The following WAPL variants were observed in gnomAD, a reference collection of about 807,000 sequenced individuals.
WAPL encodes the protein wings apart-like protein homolog.
A neutral mutation model predicts 121.0 loss-of-function variants in WAPL; 5 were observed. The observed-to-expected ratio is 0.04, with a 90% CI of 0.02 to 0.09. The LOEUF is 0.09. Ranked by LOEUF, WAPL falls within the 10% of genes least tolerant of loss-of-function variation. The pLI is 1.00. For synonymous variants in WAPL, 480 were observed against 481.5 expected, an observed-to-expected ratio of 1.00 and a Z score of 0.04; for missense variants, 999 against 1,410.8, an observed-to-expected ratio of 0.71 and a Z score of 4.68.
At chr10:86,510,615 T>C (rs973310025) in intron 2 of WAPL, among the ~76,000 whole-genome samples, 2 of 152,196 alleles carry the variant, frequency 1.3e-5, no homozygotes, top group Non-Finnish European at 2.9e-5. Context: ...TATACAAACC[T>C]TGAGAATAAT....
rs113962404 is a variant in WAPL, at chr10:86,485,157, CT to C, written c.1645-11185del. Among the ~76,000 whole-genome samples, 701 of 151,332 alleles carry C rather than the reference CT, an allele frequency of 4.6e-3. 6 individuals are homozygous for C. The highest frequency in any genetic ancestry group is 0.016 in the African/African-American group (667 of 41,166). On this transcript the variant is annotated intron_variant, in intron 4 of 18. Coordinates refer to ENST00000298767, the MANE Select transcript of WAPL (RefSeq NM_015045.5). ...AGTGCTTTCCAGCTCCTGATAACCC[CT>C]GGCCACATTTTCTCACTTCAAGCCT...
chr10:86,494,696 T>G (rs1485021067), intron 4 of WAPL, among the ~76,000 whole-genome samples: 1 of 152,184 alleles, frequency 6.6e-6, no homozygotes, highest in Non-Finnish European at 1.5e-5. Flanking sequence ...GACCAGTGTA[T>G]GATGTTACAA....
At chr10:86,461,615 T>A (rs901473163) in intron 9 of WAPL, among the ~76,000 whole-genome samples, 1 of 152,204 alleles carries the variant, frequency 6.6e-6, no homozygotes, top group African/African-American at 2.4e-5. Flanking sequence ...AAATCAATAT[T>A]GGATTAATTT....
intron 12 of WAPL, among the ~76,000 whole-genome samples, chr10:86,457,866 C>T (rs959499900): frequency 2.6e-5 from 4 of 152,028 alleles, no homozygotes; most frequent in Non-Finnish European, 4.4e-5. Flanking sequence ...TTAAAAGAGT[C>T]CTTTTCTTCT....
intron 8 of WAPL, among the ~76,000 whole-genome samples, chr10:86,467,886 G>A (rs770732366): frequency 6.6e-6 from 1 of 151,576 alleles, no homozygotes; most frequent in Non-Finnish European, 1.5e-5. Context: ...CACGGTGTTA[G>A]CCAGGATGGT....
intron 7 of WAPL, among the ~76,000 whole-genome samples, chr10:86,471,511 C>T (rs1197705895): frequency 6.6e-6 from 1 of 152,116 alleles, no homozygotes; most frequent in Non-Finnish European, 1.5e-5. Context: ...TACAAAAGAT[C>T]ATCTTTTTGA....
At position 86,436,014 on chromosome 10, in the gene WAPL, G is replaced by A. The variant is rs1011868781; in HGVS notation, c.*1529C>T. On this transcript the variant is annotated 3_prime_UTR_variant, in exon 19 of 19. Transcript: ENST00000298767. Reference sequence around the variant, plus strand: ...GCGTACTATGTTCTTAAAAGGTGATGGGTAGGGGTTGGGGTGGGTAGAAGG... The same window carrying A: ...GCGTACTATGTTCTTAAAAGGTGATAGGTAGGGGTTGGGGTGGGTAGAAGG... 2.0e-5 allele frequency: 3 copies of A among 152,512 alleles called. No homozygotes were observed. Among genetic ancestry groups the A allele is most frequent in the African/African-American group, 7.2e-5 (3 of 41,426 alleles). 9.4% of individuals were successfully genotyped at this position (152,512 alleles called of 1,614,324 possible).
At chr10:86,497,143 G>T in intron 4 of WAPL, 58 bp downstream of exon 4, 1 of 1,337,442 alleles carries the variant, frequency 7.5e-7, no homozygotes. Flanking sequence ...AAAAAATTAA[G>T]AGTTGAGCCC....
intron 2 of WAPL, among the ~76,000 whole-genome samples, chr10:86,509,222 T>C (rs1371899814): frequency 1.3e-5 from 2 of 152,204 alleles, no homozygotes. Flanking sequence ...GAAACATATC[T>C]TACAAACATC....
chr10:86,494,761 T>C (rs1185161553), intron 4 of WAPL, among the ~76,000 whole-genome samples: 2 of 152,220 alleles, frequency 1.3e-5, no homozygotes, highest in African/African-American at 2.4e-5. Flanking sequence ...CAGATTTTAA[T>C]GCAATGTATG....
chr10:86,451,555 G>A (rs1840980702), intron 15 of WAPL, among the ~76,000 whole-genome samples: 1 of 151,980 alleles, frequency 6.6e-6, no homozygotes, highest in South Asian at 2.1e-4. Flanking sequence ...ACCATGCCTG[G>A]CTAACTTTTG....
Position 86,454,358 on chromosome 10 carries a change from C to T in WAPL, c.2658-527G>A, listed in dbSNP as rs546443615. Among the ~76,000 whole-genome samples, 16 of 152,252 alleles carry T rather than the reference C, an allele frequency of 1.1e-4. No individual in the cohort carries two copies. The East Asian group carries it at 2.3e-3, about 22-fold the overall frequency. On this transcript the variant is annotated intron_variant, in intron 12 of 18. Transcript: ENST00000298767. ...GGGATGAGCTACATCTAAGGATTCTCGCTCTCCCTCTCCCTCTCCCTCCAC... is the reference window on the plus strand; with the variant it reads ...GGGATGAGCTACATCTAAGGATTCTTGCTCTCCCTCTCCCTCTCCCTCCAC...
At chr10:86,442,486 G>A (rs1398670429) in intron 17 of WAPL, among the ~76,000 whole-genome samples, 2 of 152,076 alleles carry the variant, frequency 1.3e-5, no homozygotes, top group African/African-American at 4.8e-5. Flanking sequence ...GCACTGACTA[G>A]CTTGTTTTCC....
intron 16 of WAPL, among the ~76,000 whole-genome samples, chr10:86,444,684 G>T (rs1344823935): frequency 2.0e-5 from 3 of 152,028 alleles, no homozygotes; most frequent in African/African-American, 4.8e-5. Context: ...GAAAATAGGG[G>T]TGATGGCTGC....
At chr10:86,520,483 T>C (rs1842654162) in intron 1 of WAPL, among the ~76,000 whole-genome samples, 1 of 152,160 alleles carries the variant, frequency 6.6e-6, no homozygotes, top group African/African-American at 2.4e-5. Flanking sequence ...AGAAGTTCAT[T>C]ATATAATATC....
At position 86,472,046 on chromosome 10, in the gene WAPL, A is replaced by C. The variant is rs1270936171; in HGVS notation, c.2030+162T>G. 6.6e-6 allele frequency among the ~76,000 whole-genome samples: 1 copy of C among 152,168 alleles called. No individual in the cohort carries two copies. The highest frequency in any genetic ancestry group is 2.4e-5 in the African/African-American group (1 of 41,440). On this transcript the variant is annotated intron_variant, in intron 7 of 18. Coordinates refer to ENST00000298767, the MANE Select transcript of WAPL (RefSeq NM_015045.5). This position sits in a 1 kb window ranked among gnomAD's most constrained non-coding sequence, Gnocchi z 4.2. ...GCTTTCCCTCTTATCATGCAGAATC[A>C]AATTCTTTATAAAGAAATGGATAGC...
intron 17 of WAPL, 41 bp downstream of exon 17, chr10:86,443,234 C>T: frequency 6.7e-7 from 1 of 1,497,868 alleles, no homozygotes; most frequent in Non-Finnish European, 9.3e-7. Context: ...ACATTGGAAT[C>T]TTTCAAAGAT....
At chr10:86,492,463 T>C (rs561693694) in intron 4 of WAPL, among the ~76,000 whole-genome samples, 1 of 152,282 alleles carries the variant, frequency 6.6e-6, no homozygotes, top group Non-Finnish European at 1.5e-5. Flanking sequence ...GATATGTACT[T>C]TTATTTTGTT....
chr10:86,497,339 T>C lies in WAPL; in HGVS notation c.1526-20A>G. Reference sequence around the variant, plus strand: ...AGTTTTCTGAAATGGTAATCAAAACTATCTAGCTTACTAATATTTCAAATT... The same window carrying C: ...AGTTTTCTGAAATGGTAATCAAAACCATCTAGCTTACTAATATTTCAAATT... On this transcript the variant is annotated intron_variant, in intron 3 of 18. Transcript: ENST00000298767. The C allele has an allele frequency of 6.5e-7, 1 of 1,547,068 alleles. No individual in the cohort carries two copies. The highest frequency in any genetic ancestry group is 8.9e-7 in the Non-Finnish European group (1 of 1,126,732).
Sources: allele counts gnomAD v4.1 joint callset (sites outside exome capture counted in the v4.1 genomes callset), GRCh38; gene constraint gnomAD v4.1.1; non-coding constraint Gnocchi (gnomAD v3.1); transcripts MANE v1.5; gene names NCBI Gene and HGNC (gene_info 2026-07-23, HGNC 2026-07-21).